The following NID1 variants were observed in gnomAD, a reference collection of about 807,000 sequenced individuals.
NID1 encodes the protein nidogen 1, also known as nidogen-1.
NID1 carries 76 observed loss-of-function variants against 130.6 expected under a neutral mutation model. The ratio of observed to expected loss-of-function variants is 0.58; its 90% confidence interval spans 0.48 to 0.70. NID1 has a LOEUF of 0.70. Among genes scored for constraint, NID1 ranks in the 30% least tolerant of loss-of-function variants. The pLI is 0.00. For missense variants in NID1, 1,517 were observed against 1,664.8 expected, an observed-to-expected ratio of 0.91 and a Z score of 1.54; for synonymous variants, 665 against 675.1, an observed-to-expected ratio of 0.98 and a Z score of 0.23.
At chr1:235,986,764 G>A (rs1252415407) in intron 14 of NID1, among the ~76,000 whole-genome samples, 1 of 152,170 alleles carries the variant, frequency 6.6e-6, no homozygotes, top group African/African-American at 2.4e-5. Context: ...GCCCAGACAA[G>A]GCTGTGCACT....
rs532836215 is a variant in NID1, at chr1:235,987,734, CAGGGAAGGTCTCAGG to C, written c.2929-2244_2929-2230del. The stretch of plus-strand genomic sequence containing the variant: ...GACACAGTACTAGGCATTACGAAGC[CAGGGAAGGTCTCAGG>C]AGGGAGGGTCTCAGGACCAAGGAAG... On this transcript the variant is annotated intron_variant, in intron 14 of 19. Coordinates refer to ENST00000264187, the MANE Select transcript of NID1 (RefSeq NM_002508.3). Among the ~76,000 whole-genome samples the C allele has an allele frequency of 4.3e-3, 660 of 152,240 alleles. 3 individuals are homozygous for C. Among genetic ancestry groups the C allele is most frequent in the African/African-American group, 0.015 (618 of 41,532 alleles).
chr1:236,048,675 TG>T lies in NID1; in HGVS notation c.525+14del. 1 of 1,604,208 alleles carries T rather than the reference TG, an allele frequency of 6.2e-7. No individual in the cohort carries two copies. The highest frequency in any genetic ancestry group is 8.5e-7 in the Non-Finnish European group (1 of 1,178,132). On this transcript the variant is annotated intron_variant, in intron 2 of 19. Coordinates refer to ENST00000264187, the MANE Select transcript of NID1 (RefSeq NM_002508.3). ...GTGTCTGATTACCTGCACTTGGACC[TG>T]GAGGGGAGCTTACCTTGCCTTTCTG...
At chr1:236,058,079 T>C (rs1659943811) in intron 1 of NID1, among the ~76,000 whole-genome samples, 1 of 152,234 alleles carries the variant, frequency 6.6e-6, no homozygotes, top group East Asian at 1.9e-4. Context: ...CTGCTGATGA[T>C]AATAATGTAA....
rs767616825 is a variant in NID1 at position 235,985,483 on chromosome 1, G to C, written c.2951C>G (p.Ala984Gly). The C allele has an allele frequency of 1.2e-6, 2 of 1,614,000 alleles. No homozygotes were observed. Among genetic ancestry groups the C allele is most frequent in the Non-Finnish European group, 1.7e-6 (2 of 1,179,996 alleles). Residue 984 changes from alanine (A) to glycine (G), a missense_variant, in exon 15 of 20, where the codon GCC (alanine) becomes GGC (glycine). Coordinates refer to ENST00000264187, the MANE Select transcript of NID1 (RefSeq NM_002508.3). ...AACCATCTTGTCCACGCAGTCAAAG[G>C]CCAGTCCAATGATGACTTTAGCCTG... Reference protein sequence around the residue: ...HVPAKVIIGLAFDCVDKMVYW... With the variant: ...HVPAKVIIGLGFDCVDKMVYW...
intron 13 of NID1, among the ~76,000 whole-genome samples, 187 bp downstream of exon 13, chr1:235,993,456 GGA>G (rs1657818576): frequency 7.5e-6 from 1 of 132,882 alleles, no homozygotes; most frequent in East Asian, 1.9e-4. Context: ...AGGGTGAGGA[GGA>G]GAGGAAGCAC....
intron 13 of NID1, 87 bp from the exon 14 acceptor site, chr1:235,991,145 G>A (rs2102799184): frequency 2.6e-5 from 29 of 1,134,262 alleles, no homozygotes; most frequent in Non-Finnish European, 2.9e-5. Context: ...ACACATGCAC[G>A]CATGCACACA....
At chr1:236,017,369 C>G in intron 9 of NID1, 96 bp from the exon 10 acceptor site, 2 of 1,313,942 alleles carry the variant, frequency 1.5e-6, no homozygotes, top group South Asian at 2.7e-5. Context: ...AAGAATAGAT[C>G]AATTTTAAAA....
In NID1 at chr1:236,063,484, AAAT is replaced by A. The variant is rs1558454466; in HGVS notation, c.225+1368_225+1370del. Among the ~76,000 whole-genome samples the A allele has an allele frequency of 4.0e-3, 417 of 104,574 alleles. 3 individuals carry two copies. Among genetic ancestry groups the A allele is most frequent in the African/African-American group, 0.018 (386 of 21,552 alleles). 68.6% of individuals were successfully genotyped at this position (104,574 alleles called of 152,430 possible). The stretch of plus-strand genomic sequence containing the variant: ...GAGACTCTGTCTCAAAAAAAAAAAT[AAAT>A]AAATAAATAAATAAATAAAGTAAGC... On this transcript the variant is annotated intron_variant, in intron 1 of 19. Transcript: ENST00000264187.
At chr1:236,040,654 T>A in intron 4 of NID1, among the ~76,000 whole-genome samples, 1 of 149,314 alleles carries the variant, frequency 6.7e-6, no homozygotes, top group Non-Finnish European at 1.5e-5. Flanking sequence ...ACAGTTTAGT[T>A]GGAACATCTT....
At chr1:236,063,807 G>A (rs969615718) in intron 1 of NID1, among the ~76,000 whole-genome samples, 1 of 152,172 alleles carries the variant, frequency 6.6e-6, no homozygotes, top group African/African-American at 2.4e-5. Flanking sequence ...AAATAAAAGC[G>A]TTATACTGAA....
chr1:236,045,795 T>G, intron 2 of NID1, 112 bp from the exon 3 acceptor site: 1 of 781,306 alleles, frequency 1.3e-6, no homozygotes, highest in Non-Finnish European at 2.0e-6. Flanking sequence ...GATGGCAATA[T>G]TCTCACCTTA....
At chr1:236,046,900 A>G (rs577954327) in intron 2 of NID1, among the ~76,000 whole-genome samples, 1 of 152,246 alleles carries the variant, frequency 6.6e-6, no homozygotes, top group African/African-American at 2.4e-5. Context: ...TCTTTTTTGG[A>G]GCGGGGGAAG....
chr1:235,993,775 A>T lies in NID1; in HGVS notation c.2625T>A (p.Val875=). 1 of 1,614,130 alleles carries T rather than the reference A, an allele frequency of 6.2e-7. No homozygotes were observed. Residue 875 remains valine, a synonymous_variant, in exon 13 of 20, where the codon GTT becomes GTA. Coordinates refer to ENST00000264187, the MANE Select transcript of NID1 (RefSeq NM_002508.3). ...AGTGCCCGTGCGCATCGCACTCAGGAACGAACAGCCCCGGAGGAATGGGTC... is the reference window on the plus strand; with the variant it reads ...AGTGCCCGTGCGCATCGCACTCAGGTACGAACAGCCCCGGAGGAATGGGTC... ...PQRPIPPGLF[V]PECDAHGHYA... is the part of the protein sequence containing the mutation.
intron 10 of NID1, among the ~76,000 whole-genome samples, chr1:236,015,611 C>T (rs1403310806): frequency 1.4e-5 from 2 of 146,038 alleles, no homozygotes; most frequent in Admixed American, 7.0e-5. Context: ...CGCGCCATTG[C>T]ACTCCAGCCT....
chr1:235,980,701 C>T (rs746051002), intron 16 of NID1, 48 bp from the exon 17 acceptor site: 2 of 1,579,696 alleles, frequency 1.3e-6, no homozygotes, highest in Non-Finnish European at 1.7e-6. Flanking sequence ...AATAAGGATG[C>T]ATGAGAAAAA....
chr1:235,998,991 G>C (rs925276049), intron 12 of NID1, among the ~76,000 whole-genome samples: 1 of 152,174 alleles, frequency 6.6e-6, no homozygotes, highest in African/African-American at 2.4e-5. Context: ...TTGTGGTCTA[G>C]CCCCGCCCTT....
At chr1:236,026,254 T>C (rs1658927259) in intron 7 of NID1, 113 bp from the exon 8 acceptor site, 2 of 1,357,918 alleles carry the variant, frequency 1.5e-6, no homozygotes, top group South Asian at 1.3e-5. Context: ...TCCCTGCCCA[T>C]AAGGCTACCA....
intron 1 of NID1, among the ~76,000 whole-genome samples, chr1:236,058,360 A>C (rs1213756513): frequency 1.3e-5 from 2 of 152,312 alleles, no homozygotes; most frequent in Non-Finnish European, 2.9e-5. Flanking sequence ...CCCAAGAAAC[A>C]CAACAAACAA....
Position 236,020,406 on chromosome 1 carries a change from A to G in NID1, c.2129-3133T>C, listed in dbSNP as rs190616742. On this transcript the variant is annotated intron_variant, in intron 9 of 19. Transcript: ENST00000264187. ...TTAGAGGAGAAGAGTCTCATTACCAATTTGCTAAATGCCTTCTACATACTC... is the reference window on the plus strand; with the variant it reads ...TTAGAGGAGAAGAGTCTCATTACCAGTTTGCTAAATGCCTTCTACATACTC... Among the ~76,000 whole-genome samples the G allele has an allele frequency of 1.4e-4, 21 of 152,306 alleles. No homozygotes were observed. The South Asian group carries it at 2.7e-3, about 20-fold the overall frequency.
Sources: gnomAD v4.1 joint callset for allele counts (sites outside exome capture counted in the v4.1 genomes callset) on GRCh38, gnomAD v4.1.1 for gene constraint, MANE v1.5 for transcripts, NCBI Gene and HGNC (gene_info 2026-07-23, HGNC 2026-07-21) for gene names.